Variants in CATSPERE observed in about 807,000 individuals in gnomAD.
CATSPERE encodes cation channel sperm-associated auxiliary subunit epsilon.
A neutral mutation model predicts 114.1 loss-of-function variants in CATSPERE; 93 were observed. The ratio of observed to expected loss-of-function variants is 0.81; its 90% CI spans 0.69 to 0.97. The LOEUF (loss-of-function observed/expected upper bound fraction) is 0.97, where lower values mean the gene tolerates loss of function less well. CATSPERE is among the 50% of genes least tolerant of loss of function. CATSPERE has a pLI of 0.00. For missense variants in CATSPERE, 1,058 were observed against 1,131.6 expected (o/e 0.93, Z 0.93); for synonymous variants, 341 against 384.1 (o/e 0.89, Z 1.31).
chr1:244,544,443 C>T (rs1284753018), intron 8 of CATSPERE, among the ~76,000 whole-genome samples: 1 of 152,146 alleles, frequency 6.6e-6, no homozygotes, highest in Non-Finnish European at 1.5e-5. Flanking sequence ...GGTCTCCAAA[C>T]CCATGCTGTG....
rs776221312 is a variant in CATSPERE at position 244,518,699 on chromosome 1, G to C, written c.536+1G>C. Reference sequence around the variant, plus strand: ...CTTCAAATGAGAAAATGAGAAGGGGGTATTTAATTTTTTTTAATTTTAAAT... The same window carrying C: ...CTTCAAATGAGAAAATGAGAAGGGGCTATTTAATTTTTTTTAATTTTAAAT... On this transcript the variant is annotated splice_donor_variant, in intron 8 of 21. Coordinates refer to ENST00000366534, the MANE Select transcript of CATSPERE (RefSeq NM_001130957.2). LOFTEE classifies it high-confidence loss of function. 14 of 1,440,942 alleles carry C rather than the reference G, an allele frequency of 9.7e-6. No individual in the cohort carries two copies. The highest frequency in any genetic ancestry group is 1.3e-5 in the Non-Finnish European group (14 of 1,058,996). The allele number at this position is 1,440,942 out of a possible 1,614,324, so 89.3% of individuals were successfully genotyped here.
chr1:244,531,774 A>G (rs1268571351), intron 8 of CATSPERE, among the ~76,000 whole-genome samples: 3 of 152,150 alleles, frequency 2.0e-5, no homozygotes, highest in African/African-American at 7.2e-5. Flanking sequence ...CATCAGGGAT[A>G]TTGACCTGCA....
chr1:244,569,439 G>T (rs1664124493), intron 10 of CATSPERE, among the ~76,000 whole-genome samples: 1 of 152,110 alleles, frequency 6.6e-6, no homozygotes, highest in Non-Finnish European at 1.5e-5. Context: ...GGACATTTTT[G>T]CATTGGGTTT....
intron 2 of CATSPERE, among the ~76,000 whole-genome samples, chr1:244,467,471 T>TTA (rs1667777176): frequency 6.6e-6 from 1 of 151,634 alleles, no homozygotes; most frequent in African/African-American, 2.4e-5. Flanking sequence ...TAACAAGGGG[T>TTA]GGTAAGAATG....
At chr1:244,604,841 T>C (rs1170351154) in intron 17 of CATSPERE, among the ~76,000 whole-genome samples, 1 of 152,192 alleles carries the variant, frequency 6.6e-6, no homozygotes, top group African/African-American at 2.4e-5. Flanking sequence ...AAAATATTAA[T>C]ATGAAGCACT....
chr1:244,539,594 A>T (rs1295046635), intron 8 of CATSPERE, among the ~76,000 whole-genome samples: 1 of 146,316 alleles, frequency 6.8e-6, no homozygotes, highest in Non-Finnish European at 1.5e-5. Flanking sequence ...CTGTGAATCC[A>T]TCTGGTCCTG....
At chr1:244,453,254 T>G (rs1247211053), upstream of CATSPERE, among the ~76,000 whole-genome samples, 1 of 152,242 alleles carries the variant, frequency 6.6e-6, no homozygotes, top group Non-Finnish European at 1.5e-5. Context: ...ATGCCATCTA[T>G]TTCTTTCTAG....
intron 19 of CATSPERE, among the ~76,000 whole-genome samples, chr1:244,616,723 C>T (rs1302854333): frequency 1.3e-5 from 2 of 152,202 alleles, no homozygotes; most frequent in African/African-American, 4.8e-5. Flanking sequence ...ACCTCACTTT[C>T]CATCTCAACT....
intron 8 of CATSPERE, among the ~76,000 whole-genome samples, chr1:244,547,248 A>G (rs1385403323): frequency 8.3e-5 from 3 of 36,212 alleles, no homozygotes; most frequent in Non-Finnish European, 3.2e-4. Context: ...CCATCCTTCA[A>G]AAATGAAGAT....
chr1:244,571,794 T>C (rs978163472), intron 10 of CATSPERE, among the ~76,000 whole-genome samples: 1 of 152,204 alleles, frequency 6.6e-6, no homozygotes, highest in African/African-American at 2.4e-5. Context: ...GCCGTCTTGC[T>C]GTGTCCTCAT....
At chr1:244,609,749 G>A (rs1192920362) in intron 18 of CATSPERE, among the ~76,000 whole-genome samples, 5 of 152,216 alleles carry the variant, frequency 3.3e-5, no homozygotes, top group African/African-American at 1.2e-4. Context: ...ATTAATAAGT[G>A]AGTTTAGAAA....
At chr1:244,451,585 C>T (rs754028145), upstream of CATSPERE, 14 of 1,546,326 alleles carry the variant, frequency 9.1e-6, no homozygotes, top group South Asian at 9.6e-5. The surrounding 1 kb of genome is among the most constrained non-coding windows in gnomAD (Gnocchi z 6.6). Flanking sequence ...AGGAGCCAGG[C>T]AGCCCGAGCT....
At chr1:244,532,195 A>T (rs1679724326) in intron 8 of CATSPERE, among the ~76,000 whole-genome samples, 1 of 151,876 alleles carries the variant, frequency 6.6e-6, no homozygotes, top group South Asian at 2.1e-4. Context: ...AATTTTATTT[A>T]TTTGAGTCTT....
intron 21 of CATSPERE, among the ~76,000 whole-genome samples, chr1:244,635,818 T>C (rs911441532): frequency 5.3e-5 from 8 of 152,204 alleles, no homozygotes; most frequent in African/African-American, 1.9e-4. Context: ...GGCTATGAAA[T>C]CTATCTTCCC....
At chr1:244,519,501 C>T (rs1677175980) in intron 8 of CATSPERE, among the ~76,000 whole-genome samples, 1 of 152,166 alleles carries the variant, frequency 6.6e-6, no homozygotes, top group South Asian at 2.1e-4. Flanking sequence ...CCCGTGTCTG[C>T]GTGGGTTTCC....
chr1:244,638,686 T>C (rs1391248611), intron 21 of CATSPERE, among the ~76,000 whole-genome samples: 2 of 152,212 alleles, frequency 1.3e-5, no homozygotes, highest in Non-Finnish European at 2.9e-5. Flanking sequence ...CCTATTCCAT[T>C]ATTTAATCTA....
chr1:244,618,944 A>G (rs1342284188), intron 20 of CATSPERE, among the ~76,000 whole-genome samples: 2 of 152,244 alleles, frequency 1.3e-5, no homozygotes, highest in African/African-American at 2.4e-5. Context: ...CGTGGCAAGT[A>G]AAGAAGGAAA....
chr1:244,610,843 T>C (rs7551070), intron 19 of CATSPERE, among the ~76,000 whole-genome samples: 27,704 of 151,274 alleles, frequency 0.18, 3,351 homozygotes, highest in African/African-American at 0.34. Flanking sequence ...TCACTGCAAC[T>C]TCCACCTCCC....
At chr1:244,524,681 A>C (rs1304297291) in intron 8 of CATSPERE, among the ~76,000 whole-genome samples, 1 of 151,572 alleles carries the variant, frequency 6.6e-6, no homozygotes, top group South Asian at 2.1e-4. Context: ...GGGCAAAGGA[A>C]ACGAACAGAC....
Sources: allele counts gnomAD v4.1 joint callset (sites outside exome capture counted in the v4.1 genomes callset), GRCh38; gene constraint gnomAD v4.1.1; non-coding constraint Gnocchi (gnomAD v3.1); transcripts MANE v1.5; gene names NCBI Gene and HGNC (gene_info 2026-07-23, HGNC 2026-07-21).